The following PCDH9 variants were observed in gnomAD, a reference collection of about 807,000 sequenced individuals.
PCDH9 encodes protocadherin-9.
Under a neutral mutation model 70.6 loss-of-function variants are expected in PCDH9, and 24 were observed. The observed-to-expected ratio is 0.34, with a 90% CI of 0.25 to 0.48. The LOEUF (loss-of-function observed/expected upper bound fraction) is 0.48. PCDH9 is among the 20% of genes least tolerant of loss of function. PCDH9 has a pLI of 0.99. For missense variants in PCDH9, 1,281 were observed against 1,503.6 expected, an observed-to-expected ratio of 0.85 and a Z score of 2.45; for synonymous variants, 562 against 558.5, an observed-to-expected ratio of 1.01 and a Z score of -0.09.
intron 4 of PCDH9, among the ~76,000 whole-genome samples, chr13:66,398,737 G>A (rs1182087681): frequency 6.6e-6 from 1 of 152,108 alleles, no homozygotes; most frequent in African/African-American, 2.4e-5. Context: ...AAATATCTGT[G>A]TGCAATTGTT....
Position 66,726,168 on chromosome 13 carries a change from C to T in PCDH9, c.3139-94757G>A, listed in dbSNP as rs1290451672. On this transcript the variant is annotated intron_variant, in intron 3 of 4. Coordinates refer to ENST00000377865, the MANE Select transcript of PCDH9 (RefSeq NM_203487.3). ...GGAGAAAGAGGAGACATACACATTCCTACATTGGAAGGAACTGGATAATCT... is the reference window on the plus strand; with the variant it reads ...GGAGAAAGAGGAGACATACACATTCTTACATTGGAAGGAACTGGATAATCT... Among the ~76,000 whole-genome samples the T allele has an allele frequency of 2.6e-5, 4 of 152,104 alleles. No homozygotes were observed. The East Asian group carries it at 7.7e-4, about 29-fold the overall frequency.
chr13:66,442,156 A>C (rs1411637200), intron 4 of PCDH9, among the ~76,000 whole-genome samples: 1 of 152,184 alleles, frequency 6.6e-6, no homozygotes, highest in African/African-American at 2.4e-5. Flanking sequence ...GCTGTACAAA[A>C]ACTGGCTGCC....
At chr13:66,970,205 G>A (rs2083495438) in intron 2 of PCDH9, among the ~76,000 whole-genome samples, 1 of 151,978 alleles carries the variant, frequency 6.6e-6, no homozygotes, top group South Asian at 2.1e-4. Flanking sequence ...ATAGTGTGAT[G>A]ATTATTACTT....
At chr13:66,891,069 C>A (rs1218051226) in intron 3 of PCDH9, among the ~76,000 whole-genome samples, 1 of 152,034 alleles carries the variant, frequency 6.6e-6, no homozygotes, top group Non-Finnish European at 1.5e-5. Context: ...CCTTCTGTGT[C>A]TGCTTGTTTT....
intron 2 of PCDH9, among the ~76,000 whole-genome samples, chr13:67,070,772 T>C (rs749952253): frequency 3.3e-5 from 5 of 152,178 alleles, no homozygotes; most frequent in East Asian, 1.9e-4. Flanking sequence ...ATTGGTTCAA[T>C]TGAGTTCTGG....
chr13:66,391,712 GA>G (rs1379796028), intron 4 of PCDH9, among the ~76,000 whole-genome samples: 1 of 151,816 alleles, frequency 6.6e-6, no homozygotes, highest in Non-Finnish European at 1.5e-5. Flanking sequence ...CTTAGAGAAG[GA>G]ATTTATCATG....
intron 4 of PCDH9, among the ~76,000 whole-genome samples, chr13:66,502,426 T>C (rs1403620086): frequency 1.3e-5 from 2 of 152,132 alleles, no homozygotes; most frequent in Non-Finnish European, 1.5e-5. Context: ...GATCAAAATA[T>C]TTTTTCTTAA....
chr13:66,640,494 G>T (rs1214808550), intron 3 of PCDH9, among the ~76,000 whole-genome samples: 1 of 151,032 alleles, frequency 6.6e-6, no homozygotes, highest in Non-Finnish European at 1.5e-5. Context: ...TGGCCAGACT[G>T]GTAAAAAAGT....
At chr13:67,166,353 A>G (rs796464763) in intron 2 of PCDH9, among the ~76,000 whole-genome samples, 5 of 152,308 alleles carry the variant, frequency 3.3e-5, no homozygotes, top group African/African-American at 9.6e-5. Flanking sequence ...ATAGATAACT[A>G]TGAACAAACT....
intron 4 of PCDH9, among the ~76,000 whole-genome samples, chr13:66,526,741 A>G (rs2138622855): frequency 6.6e-6 from 1 of 152,312 alleles, no homozygotes; most frequent in African/African-American, 2.4e-5. Flanking sequence ...TTCATTATGA[A>G]GTTACTATAT....
At chr13:66,487,805 T>C (rs1958969616) in intron 4 of PCDH9, among the ~76,000 whole-genome samples, 1 of 152,148 alleles carries the variant, frequency 6.6e-6, no homozygotes, top group South Asian at 2.1e-4. Flanking sequence ...GTTAATCTGA[T>C]GGATAATTCA....
At chr13:67,043,744 C>T (rs768086812) in intron 2 of PCDH9, among the ~76,000 whole-genome samples, 2 of 152,052 alleles carry the variant, frequency 1.3e-5, no homozygotes, top group African/African-American at 2.4e-5. Flanking sequence ...AATGGCCAGC[C>T]GAGCTCTGTA....
chr13:66,401,282 G>A (rs1174684871), intron 4 of PCDH9, among the ~76,000 whole-genome samples: 1 of 152,062 alleles, frequency 6.6e-6, no homozygotes, highest in Admixed American at 6.6e-5. Context: ...TAGATCATGG[G>A]GGCGGTCCCC....
intron 3 of PCDH9, among the ~76,000 whole-genome samples, chr13:66,749,737 C>A (rs776940861): frequency 6.6e-6 from 1 of 152,070 alleles, no homozygotes; most frequent in Admixed American, 6.6e-5. Flanking sequence ...TAGTTATATA[C>A]CTCTAGGTTC....
At chr13:67,089,212 G>T (rs2086168279) in intron 2 of PCDH9, among the ~76,000 whole-genome samples, 1 of 151,986 alleles carries the variant, frequency 6.6e-6, no homozygotes, top group East Asian at 1.9e-4. Context: ...TGTTTAATTA[G>T]AGATTCAAAT....
rs552884127 is a variant in PCDH9, at chr13:67,201,261, G to C, written c.3036+24144C>G. ...AATACTTGATTTGACATATGTGATA[G>C]TCATACTGATTACACCAAAAATGTT... is the stretch of plus-strand genomic sequence containing the variant. On this transcript the variant is annotated intron_variant, in intron 2 of 4. Coordinates refer to ENST00000377865, the MANE Select transcript of PCDH9 (RefSeq NM_203487.3). 15 of 152,050 alleles carry C rather than the reference G, an allele frequency of 9.9e-5. 1 individual carries two copies. The highest frequency in any genetic ancestry group is 3.9e-4 in the Admixed American group (6 of 15,226). 9.4% of individuals were successfully genotyped at this position (152,050 alleles called of 1,614,324 possible). A position where few individuals can be genotyped will look rare whatever the true frequency, so the allele number is the denominator to read the frequency against.
chr13:66,877,072 A>C (rs2081825928), intron 3 of PCDH9, among the ~76,000 whole-genome samples: 1 of 119,824 alleles, frequency 8.3e-6, no homozygotes, highest in Non-Finnish European at 1.8e-5. Context: ...TAACTGAAAG[A>C]TAGAAAAGTC....
intron 2 of PCDH9, among the ~76,000 whole-genome samples, chr13:67,166,812 T>A (rs960200132): frequency 2.6e-5 from 4 of 152,192 alleles, no homozygotes; most frequent in African/African-American, 9.7e-5. Flanking sequence ...TGTACCTGCG[T>A]TTGTCTGGCT....
chr13:66,653,517 T>C (rs1341940993), intron 3 of PCDH9, among the ~76,000 whole-genome samples: 1 of 152,100 alleles, frequency 6.6e-6, no homozygotes, highest in Non-Finnish European at 1.5e-5. Context: ...CATAACAAAA[T>C]GCTGGCGAGG....
Sources: gnomAD v4.1 joint callset for allele counts (sites outside exome capture counted in the v4.1 genomes callset) on GRCh38, gnomAD v4.1.1 for gene constraint, MANE v1.5 for transcripts, NCBI Gene and HGNC (gene_info 2026-07-23, HGNC 2026-07-21) for gene names.